Variants in ARHGEF11 observed in about 807,000 individuals in gnomAD.
ARHGEF11 encodes Rho guanine nucleotide exchange factor 11, also known as Rho guanine exchange factor (GEF) 11.
Under a neutral mutation model 193.7 loss-of-function variants are expected in ARHGEF11, and 55 were observed. That is an observed-to-expected ratio of 0.28 (90% CI 0.23 to 0.36). The LOEUF (loss-of-function observed/expected upper bound fraction) is 0.36, where lower values mean the gene tolerates loss of function less well. Ranked by LOEUF, ARHGEF11 falls within the 10% of genes least tolerant of loss-of-function variation. ARHGEF11 has a pLI of 1.00. For missense variants in ARHGEF11, 1,723 were observed against 2,005.6 expected, an observed-to-expected ratio of 0.86 and a Z score of 2.69; for synonymous variants, 693 against 768.0, an observed-to-expected ratio of 0.90 and a Z score of 1.62.
chr1:156,940,517 A>G, intron 35 of ARHGEF11, 92 bp from the exon 36 acceptor site: 2 of 1,155,388 alleles, frequency 1.7e-6, no homozygotes, highest in South Asian at 3.4e-5. Context: ...AGGGGCTGGG[A>G]ACACTGACTT....
intron 1 of ARHGEF11, among the ~76,000 whole-genome samples, chr1:157,018,970 A>G (rs1446094987): frequency 1.3e-5 from 2 of 152,242 alleles, no homozygotes; most frequent in South Asian, 4.1e-4. Context: ...CACACACTAC[A>G]CAAAAAGTAA....
rs866278387 is a variant in ARHGEF11, at chr1:156,937,315, G to A, written c.4374C>T (p.Ala1458=). The change falls in exon 39 of 41, where the codon GCC becomes GCT. Residue 1458 remains alanine (A), a synonymous_variant. Transcript: ENST00000368194. ...GGAAGATCATGCCCACGTCCCTGAG[G>A]GCCAGGCTTGGAGGAGAGCGGCTGG... ...RRPSRSPPSL[A]LRDVGMIFHT... is the part of the protein sequence containing the mutation. The A allele has an allele frequency of 6.2e-7, 1 of 1,613,974 alleles. No individual in the cohort carries two copies.
chr1:156,966,425 T>C (rs1202540576), intron 11 of ARHGEF11, among the ~76,000 whole-genome samples: 1 of 152,244 alleles, frequency 6.6e-6, no homozygotes. Context: ...TGTTATTTTC[T>C]TTTCCATGCT....
Position 157,020,055 on chromosome 1 carries a change from C to T in ARHGEF11, c.32+24244G>A, listed in dbSNP as rs180803781. On this transcript the variant is annotated intron_variant, in intron 1 of 40. Transcript: ENST00000368194. ...GGCAGAATAGCGTGAACCTGGGAGA[C>T]GGAGCTTGCAGTGAGCCAAGATCAC... Among the ~76,000 whole-genome samples the T allele has an allele frequency of 7.3e-5, 11 of 149,670 alleles. No homozygotes were observed. The East Asian group carries it at 1.4e-3, about 19-fold the overall frequency.
At chr1:156,946,639 C>A (rs1210988870) in intron 28 of ARHGEF11, 23 bp downstream of exon 28, 1 of 1,613,862 alleles carries the variant, frequency 6.2e-7, no homozygotes, top group Non-Finnish European at 8.5e-7. Flanking sequence ...TGAAGGAAGG[C>A]CAAGGCATGG....
At chr1:156,994,835 T>C (rs1336868355) in intron 1 of ARHGEF11, among the ~76,000 whole-genome samples, 1 of 141,706 alleles carries the variant, frequency 7.1e-6, no homozygotes, top group African/African-American at 2.7e-5. Flanking sequence ...ATAACAAATG[T>C]AGGTAATACT....
At position 156,947,324 on chromosome 1, in the gene ARHGEF11, G is replaced by C. The variant is rs146069457; in HGVS notation, c.2468C>G (p.Pro823Arg). 1 of 1,611,224 alleles carries C rather than the reference G, an allele frequency of 6.2e-7. No homozygotes were observed. The change falls in exon 26 of 41, where the codon CCT (proline) becomes CGT (arginine). Residue 823 changes from proline (P) to arginine (R), a missense_variant. Around this residue, in one of 5 missense-constraint regions of ARHGEF11, gnomAD observed 491 missense variants for 654.5 expected, o/e 0.75. Coordinates refer to ENST00000368194, the MANE Select transcript of ARHGEF11 (RefSeq NM_198236.3). ...CTTACTGTGAATCTCTATGAGTTCA[G>C]GCAGGTTCGGGAAGAGCCGGGCCAG... ...EELARLFPNLPELIEIHNSWC... is the reference protein window; with the variant it reads ...EELARLFPNLRELIEIHNSWC...
chr1:156,971,841 G>C (rs373607373), intron 7 of ARHGEF11, 25 bp from the exon 8 acceptor site: 33 of 1,603,720 alleles, frequency 2.1e-5, no homozygotes, highest in South Asian at 1.5e-4. Flanking sequence ...GGAGGAGAAG[G>C]GGGAGGGGAA....
At chr1:156,962,289 T>C (rs1388022582) in intron 13 of ARHGEF11, among the ~76,000 whole-genome samples, 2 of 152,166 alleles carry the variant, frequency 1.3e-5, no homozygotes, top group Non-Finnish European at 2.9e-5. Flanking sequence ...TCTGATGGTA[T>C]CCCCAGAAAG....
chr1:157,019,510 A>G (rs1669699034), intron 1 of ARHGEF11, among the ~76,000 whole-genome samples: 1 of 152,242 alleles, frequency 6.6e-6, no homozygotes, highest in African/African-American at 2.4e-5. Flanking sequence ...CACATTTATC[A>G]TATGACCCAG....
intron 1 of ARHGEF11, among the ~76,000 whole-genome samples, chr1:157,022,280 T>C (rs1217483754): frequency 2.6e-5 from 4 of 152,118 alleles, no homozygotes; most frequent in African/African-American, 7.2e-5. Flanking sequence ...AGAGAAAATA[T>C]AGGGAATCCA....
chr1:156,946,112 G>T lies in ARHGEF11; in HGVS notation c.2745C>A (p.Ile915=). The part of the protein sequence containing the change: ...QCRRLQLRDL[I]ISEMQRLTKY... ...TGGTGAGCCGCTGCATCTCAGAGAT[G>T]ATGAGGTCTCTCAGCTGCAGCCGCC... Residue 915 remains isoleucine (I), a synonymous_variant, in exon 29 of 41, where the codon ATC becomes ATA. Transcript: ENST00000368194. The T allele has an allele frequency of 6.2e-7, 1 of 1,613,678 alleles. No individual in the cohort carries two copies. Among genetic ancestry groups the T allele is most frequent in the Non-Finnish European group, 8.5e-7 (1 of 1,179,976 alleles).
rs143116754 is a variant in ARHGEF11, at chr1:156,968,335, G to A, written c.826-211C>T. ...CCCTTTGAGGTAGATACTATTATTC[G>A]TCCCATTTTCACACAAAGAAACTGA... On this transcript the variant is annotated intron_variant, in intron 10 of 40. Transcript: ENST00000368194. Among the ~76,000 whole-genome samples, 207 of 152,182 alleles carry A rather than the reference G, an allele frequency of 1.4e-3. 1 individual carries two copies. Among genetic ancestry groups the A allele is most frequent in the Non-Finnish European group, 2.1e-3 (145 of 68,010 alleles).
intron 3 of ARHGEF11, among the ~76,000 whole-genome samples, chr1:156,982,330 C>T (rs2102436764): frequency 6.6e-6 from 1 of 152,276 alleles, no homozygotes; most frequent in Non-Finnish European, 1.5e-5. Flanking sequence ...CAATTCAGTG[C>T]TTCCGAGGTC....
intron 1 of ARHGEF11, among the ~76,000 whole-genome samples, chr1:156,998,616 T>C (rs950885856): frequency 6.6e-6 from 1 of 152,204 alleles, no homozygotes; most frequent in African/African-American, 2.4e-5. Context: ...ACTTTAAAAA[T>C]GGGTGCTATT....
chr1:157,005,739 C>T (rs1227249526), intron 1 of ARHGEF11, among the ~76,000 whole-genome samples: 1 of 152,180 alleles, frequency 6.6e-6, no homozygotes, highest in Non-Finnish European at 1.5e-5. Flanking sequence ...CCCATTCAAA[C>T]CATTTATTTC....
At chr1:156,938,770 G>C (rs190341587) in intron 37 of ARHGEF11, 19 of 449,542 alleles carry the variant, frequency 4.2e-5, no homozygotes, top group African/African-American at 3.4e-4. Context: ...CAGATGGAAT[G>C]AAAAATGCTG....
intron 5 of ARHGEF11, 80 bp from the exon 6 acceptor site, chr1:156,978,462 T>G: frequency 6.7e-7 from 1 of 1,483,960 alleles, no homozygotes; most frequent in Non-Finnish European, 8.9e-7. Context: ...GGGGCTGTTC[T>G]CCCTTGTCCT....
chr1:156,957,290 C>T (rs1317400143), intron 18 of ARHGEF11, among the ~76,000 whole-genome samples: 2 of 151,964 alleles, frequency 1.3e-5, no homozygotes, highest in Non-Finnish European at 2.9e-5. Flanking sequence ...AATGCAGACT[C>T]ATTTTAACCT....
Sources: gnomAD v4.1 joint callset for allele counts (sites outside exome capture counted in the v4.1 genomes callset) on GRCh38, gnomAD v4.1.1 for gene constraint, gnomAD v4.1.1 regional missense constraint, MANE v1.5 for transcripts, NCBI Gene and HGNC (gene_info 2026-07-23, HGNC 2026-07-21) for gene names.